Variants in LRFN4 observed in about 807,000 individuals in gnomAD.
LRFN4 encodes the protein leucine rich repeat and fibronectin type III domain containing 4.
LRFN4 carries 10 observed loss-of-function variants against 29.0 expected under a neutral mutation model. That is an observed-to-expected ratio of 0.35 (90% CI 0.21 to 0.59). The LOEUF (loss-of-function observed/expected upper bound fraction) is 0.59. Among genes scored for constraint, LRFN4 ranks in the 20% least tolerant of loss-of-function variants. The pLI is 0.82. For synonymous variants in LRFN4, 493 were observed against 437.0 expected (o/e 1.13, Z -1.60); for missense variants, 850 against 907.9 (o/e 0.94, Z 0.82).
At position 66,858,733 on chromosome 11, in the gene LRFN4, C is replaced by T. The variant is rs1946041567; in HGVS notation, c.989C>T (p.Ala330Val). Residue 330 changes from alanine (A) to valine (V), a missense_variant, in exon 1 of 2, where the codon GCT (alanine) becomes GTT (valine). Around this residue, in one of 2 missense-constraint regions of LRFN4, gnomAD observed 744 missense variants for 753.8 expected, o/e 0.99. Coordinates refer to ENST00000309602, the MANE Select transcript of LRFN4 (RefSeq NM_024036.5). This position sits in a 1 kb window ranked among gnomAD's most constrained non-coding sequence, Gnocchi z 5.9. ...GTTGGCAACTCCTCCCGAGCCCGGG[C>T]TTTCCCCAACGGGACCTTAGAGATT... ...RLVGNSSRAR[A>V]FPNGTLEIGV... The T allele has an allele frequency of 1.9e-6, 3 of 1,553,640 alleles. No homozygotes were observed. The highest frequency in any genetic ancestry group is 1.4e-5 in the African/African-American group (1 of 73,614).
chr11:66,858,569 G>C lies in LRFN4; in HGVS notation c.825G>C (p.Glu275Asp), dbSNP rs1398445937. Residue 275 changes from glutamate to aspartate, a missense_variant, in exon 1 of 2, where the codon GAG (glutamate) becomes GAC (aspartate). By Grantham distance (45) the Glu-to-Asp change is conservative. Coordinates refer to ENST00000309602, the MANE Select transcript of LRFN4 (RefSeq NM_024036.5). This position sits in a 1 kb window ranked among gnomAD's most constrained non-coding sequence, Gnocchi z 5.9. ...ACTTCTGGGCAGTGCCCGAGGGCGA[G>C]TTCTCCTGTGAGCCGCCCCTCATTG... ...GRYFWAVPEGEFSCEPPLIAR... is the reference protein window; with the variant it reads ...GRYFWAVPEGDFSCEPPLIAR... 1 of 1,533,096 alleles carries C rather than the reference G, an allele frequency of 6.5e-7. No individual in the cohort carries two copies. The highest frequency in any genetic ancestry group is 8.7e-7 in the Non-Finnish European group (1 of 1,144,110). The allele number at this position is 1,533,096 out of a possible 1,614,324, so 95.0% of individuals were successfully genotyped here.
intron 1 of LRFN4, among the ~76,000 whole-genome samples, 195 bp from the exon 2 acceptor site, chr11:66,859,442 C>A: frequency 6.6e-6 from 1 of 152,218 alleles, no homozygotes; most frequent in Non-Finnish European, 1.5e-5. Flanking sequence ...ATTCCCCTCG[C>A]TTGCCTGCGT....
rs374346244 is a variant in LRFN4, at chr11:66,858,835, T to G, written c.1091T>G (p.Val364Gly). 4.0e-4 allele frequency: 619 copies of G among 1,551,764 alleles called. No homozygotes were observed. Among genetic ancestry groups the G allele is most frequent in the Non-Finnish European group, 4.8e-4 (548 of 1,149,296 alleles). ...CCTGCTGGTGAGGCCACAGCCCGAG[T>G]AGAACTGCGGGTGCTGGCCTTGCCC... ...TNPAGEATAR[V>G]ELRVLALPHG... Residue 364 changes from valine (V) to glycine (G), a missense_variant, in exon 1 of 2, where the codon GTA becomes GGA. By Grantham distance (109) the Val-to-Gly change is moderately radical. Around this residue, in one of 2 missense-constraint regions of LRFN4, gnomAD observed 744 missense variants for 753.8 expected, o/e 0.99. Transcript: ENST00000309602. This position sits in a 1 kb window ranked among gnomAD's most constrained non-coding sequence, Gnocchi z 5.9.
rs1482113576 is a variant in LRFN4, at chr11:66,860,178, G to A, written c.1891G>A (p.Glu631Lys). The change falls in exon 2 of 2, where the codon GAA (glutamate) becomes AAA (lysine). Residue 631 changes from glutamate to lysine, a missense_variant. This residue lies in a region of LRFN4 where 744 missense variants were observed against 753.8 expected (regional missense o/e 0.99). Transcript: ENST00000309602. ...GGTAGGAGGCAGCGCCGAGCGGCTG[G>A]AAGAGAGTGTGGTGTGATGGACGGG... ...RGVGGSAERL[E>K]ESVV 3 of 1,546,082 alleles carry A rather than the reference G, an allele frequency of 1.9e-6. No homozygotes were observed. Among genetic ancestry groups the A allele is most frequent in the Middle Eastern group, 1.7e-4 (1 of 5,988 alleles).
Position 66,858,920 on chromosome 11 carries a change from C to G in LRFN4, c.1176C>G (p.Ser392=). ...CCGGGCCCTCGGACATCGCCGCCTC[C>G]GCTCGCACTGCTGCCGAGGGTGAGG... is the stretch of plus-strand genomic sequence containing the variant. ...GRPGPSDIAA[S]ARTAAEGEGT... is the part of the protein sequence containing the mutation. Residue 392 remains serine (S), a synonymous_variant, in exon 1 of 2, where the codon TCC becomes TCG. Coordinates refer to ENST00000309602, the MANE Select transcript of LRFN4 (RefSeq NM_024036.5). The surrounding 1 kb of genome is among the most constrained non-coding windows in gnomAD (Gnocchi z 5.9). 6.4e-7 allele frequency: 1 copy of G among 1,570,454 alleles called. No individual in the cohort carries two copies.
rs770436536 is a variant in LRFN4 at position 66,857,731 on chromosome 11, A to G, written c.-14A>G. 1.3e-6 allele frequency: 2 copies of G among 1,582,410 alleles called. No individual in the cohort carries two copies. The highest frequency in any genetic ancestry group is 1.7e-5 in the Admixed American group (1 of 59,320). ...TGTGCCTGGGCTGTGGCCCCTTCCT[A>G]CAGGGCGCTCACCATGGCCCCGCCG... is the stretch of plus-strand genomic sequence containing the variant. On this transcript the variant is annotated 5_prime_UTR_variant, in exon 1 of 2. Coordinates refer to ENST00000309602, the MANE Select transcript of LRFN4 (RefSeq NM_024036.5). The surrounding 1 kb of genome is among the most constrained non-coding windows in gnomAD (Gnocchi z 7.1).
In LRFN4 at chr11:66,859,676, C is replaced by T. The variant is rs762132606; in HGVS notation, c.1389C>T (p.His463=). ...PASSHHFLLK[H]LVPGADYDLC... ...CCAGCCACCACTTCCTGCTGAAGCACCTCGTCCCCGGCGCTGACTATGACC... is the reference window on the plus strand; with the variant it reads ...CCAGCCACCACTTCCTGCTGAAGCATCTCGTCCCCGGCGCTGACTATGACC... Residue 463 remains histidine, a synonymous_variant, in exon 2 of 2, where the codon CAC becomes CAT. Coordinates refer to ENST00000309602, the MANE Select transcript of LRFN4 (RefSeq NM_024036.5). 1.2e-6 allele frequency: 2 copies of T among 1,613,058 alleles called. No individual in the cohort carries two copies. The highest frequency in any genetic ancestry group is 2.2e-5 in the East Asian group (1 of 44,868).
Position 66,860,450 on chromosome 11 carries a change from A to G in LRFN4, c.*255A>G, listed in dbSNP as rs1174801352. 2.8e-6 allele frequency: 2 copies of G among 704,616 alleles called. No homozygotes were observed. The highest frequency in any genetic ancestry group is 5.2e-6 in the Non-Finnish European group (2 of 387,116). 43.6% of individuals were successfully genotyped at this position (704,616 alleles called of 1,614,324 possible). ...CCCACTGGGAGTCTTGTTTTTATTT[A>G]TAATAAAATTGTTGGGGACACCTCA... On this transcript the variant is annotated 3_prime_UTR_variant, in exon 2 of 2. Transcript: ENST00000309602.
Position 66,858,001 on chromosome 11 carries a change from G to A in LRFN4, c.257G>A (p.Arg86His). The A allele has an allele frequency of 1.9e-6, 3 of 1,612,336 alleles. No homozygotes were observed. The highest frequency in any genetic ancestry group is 2.5e-6 in the Non-Finnish European group (3 of 1,179,938). The change falls in exon 1 of 2, where the codon CGC becomes CAC. Residue 86 changes from arginine to histidine, a missense_variant. By Grantham distance (29) the Arg-to-His change is conservative. This residue lies in a region of LRFN4 where 106 missense variants were observed against 154.2 expected (regional missense o/e 0.69). Transcript: ENST00000309602. The surrounding 1 kb of genome is among the most constrained non-coding windows in gnomAD (Gnocchi z 5.9). Reference protein sequence around the residue: ...DLTLSRNAITRIGARAFGDLE... With the variant: ...DLTLSRNAITHIGARAFGDLE... ...ACACTGTCTCGCAATGCCATCACCC[G>A]CATTGGGGCCCGCGCCTTTGGGGAC...
Position 66,859,117 on chromosome 11 carries a change from G to A in LRFN4, c.1349+24G>A, listed in dbSNP as rs748116306. ...CGGTGAGGATGCGTGCCCCACACCCGGCTGCACTCCCGGCGCCCTTCCTCC... is the reference window on the plus strand; with the variant it reads ...CGGTGAGGATGCGTGCCCCACACCCAGCTGCACTCCCGGCGCCCTTCCTCC... On this transcript the variant is annotated intron_variant, in intron 1 of 1. Coordinates refer to ENST00000309602, the MANE Select transcript of LRFN4 (RefSeq NM_024036.5). 2.1e-5 allele frequency: 31 copies of A among 1,475,976 alleles called. No homozygotes were observed. The Admixed American group carries it at 2.2e-4, about 11-fold the overall frequency. 91.4% of individuals were successfully genotyped at this position (1,475,976 alleles called of 1,614,324 possible).
Position 66,857,627 on chromosome 11 carries a change from C to T in LRFN4, c.-118C>T. 1.7e-6 allele frequency: 2 copies of T among 1,191,926 alleles called. No individual in the cohort carries two copies. The highest frequency in any genetic ancestry group is 3.2e-5 in the South Asian group (2 of 62,968). The allele number at this position is 1,191,926 out of a possible 1,614,324, so 73.8% of individuals were successfully genotyped here. ...CGGCCCTCTTGGGCCTCTGACCCAG[C>T]CCCTCCCCGGGCCAGGCTCACAGAA... On this transcript the variant is annotated 5_prime_UTR_variant, in exon 1 of 2. Coordinates refer to ENST00000309602, the MANE Select transcript of LRFN4 (RefSeq NM_024036.5). The surrounding 1 kb of genome is among the most constrained non-coding windows in gnomAD (Gnocchi z 7.1).
At position 66,860,130 on chromosome 11, in the gene LRFN4, C is replaced by G. The variant is rs1201762531; in HGVS notation, c.1843C>G (p.Leu615Val). 5 of 1,549,924 alleles carry G rather than the reference C, an allele frequency of 3.2e-6. No individual in the cohort carries two copies. In the Admixed American group the frequency reaches 9.8e-5, roughly 30 times the overall value. The change falls in exon 2 of 2, where the codon CTG becomes GTG. Residue 615 changes from leucine to valine, a missense_variant. Physicochemically the swap from Leu to Val is conservative, Grantham distance 32. Coordinates refer to ENST00000309602, the MANE Select transcript of LRFN4 (RefSeq NM_024036.5). ...ACGGAGCCACTCTGTGCATGGGGGG[C>G]TGCTCGGGGCAGGGTGCCGGGGGGT... ...ARRSHSVHGG[L>V]LGAGCRGVGG...
In LRFN4 at chr11:66,860,018, G is replaced by A. The variant is rs766657055; in HGVS notation, c.1731G>A (p.Pro577=). 1.1e-5 allele frequency: 18 copies of A among 1,587,898 alleles called. No individual in the cohort carries two copies. In the African/African-American group the frequency reaches 1.8e-4, roughly 15 times the overall value. ...AGGCCCACCCGCCGCGGAGCCCCCC[G>A]CCCCGGCCGCAGCGCAGCTGCTCTC... is the stretch of plus-strand genomic sequence containing the variant. ...TPKAHPPRSP[P]PRPQRSCSLD... Residue 577 remains proline, a synonymous_variant, in exon 2 of 2, where the codon CCG becomes CCA. Coordinates refer to ENST00000309602, the MANE Select transcript of LRFN4 (RefSeq NM_024036.5).
chr11:66,858,699 G>GACCA lies in LRFN4; in HGVS notation c.958_959insAACC (p.Arg320GlnfsTer41). On this transcript the variant is annotated frameshift_variant, in exon 1 of 2. Transcript: ENST00000309602. LOFTEE classifies it high-confidence loss of function. This position sits in a 1 kb window ranked among gnomAD's most constrained non-coding sequence, Gnocchi z 5.9. ...TACCATGCACTGGGTCGGTCCTGAC[G>GACCA]ACCGGTTGGTTGGCAACTCCTCCCG... is the stretch of plus-strand genomic sequence containing the variant. 6.4e-7 allele frequency: 1 copy of GACCA among 1,550,472 alleles called. No individual in the cohort carries two copies. The highest frequency in any genetic ancestry group is 8.7e-7 in the Non-Finnish European group (1 of 1,145,852).
At position 66,857,832 on chromosome 11, in the gene LRFN4, C is replaced by T. The variant is rs1348530517; in HGVS notation, c.88C>T (p.Leu30Phe). The T allele has an allele frequency of 5.6e-6, 9 of 1,605,504 alleles. No individual in the cohort carries two copies. The highest frequency in any genetic ancestry group is 1.3e-5 in the African/African-American group (1 of 74,880). ...CGTCTGCCAGAACCTGTCCGAGTCG[C>T]TCAGCACCCTCTGTGCCCACCGAGG... ...PCVCQNLSES[L>F]STLCAHRGLL... The change falls in exon 1 of 2, where the codon CTC becomes TTC. Residue 30 changes from leucine (L) to phenylalanine (F), a missense_variant. Physicochemically the swap from Leu to Phe is conservative, Grantham distance 22. Coordinates refer to ENST00000309602, the MANE Select transcript of LRFN4 (RefSeq NM_024036.5). The surrounding 1 kb of genome is among the most constrained non-coding windows in gnomAD (Gnocchi z 7.1).
chr11:66,859,047 T>C lies in LRFN4; in HGVS notation c.1303T>C (p.Phe435Leu), dbSNP rs1490035009. 6.7e-7 allele frequency: 1 copy of C among 1,503,534 alleles called. No individual in the cohort carries two copies. Among genetic ancestry groups the C allele is most frequent in the South Asian group, 1.4e-5 (1 of 73,944 alleles). The allele number at this position is 1,503,534 out of a possible 1,614,324, so 93.1% of individuals were successfully genotyped here. Reference sequence around the variant, plus strand: ...GCGGCCAGCCGACCCAGTGTGGATGTTCCAAATCCAGTACAACAGCAGCGA... The same window carrying C: ...GCGGCCAGCCGACCCAGTGTGGATGCTCCAAATCCAGTACAACAGCAGCGA... ...PGRPADPVWM[F>L]QIQYNSSEDE... Residue 435 changes from phenylalanine (F) to leucine (L), a missense_variant, in exon 1 of 2, where the codon TTC (phenylalanine) becomes CTC (leucine). Phe to Leu is a conservative substitution (Grantham distance 22). Transcript: ENST00000309602.
Position 66,857,901 on chromosome 11 carries a change from C to T in LRFN4, c.157C>T (p.Leu53=), listed in dbSNP as rs763870584. Residue 53 remains leucine, a synonymous_variant, in exon 1 of 2, where the codon CTG becomes TTG. Transcript: ENST00000309602. This position sits in a 1 kb window ranked among gnomAD's most constrained non-coding sequence, Gnocchi z 7.1. The stretch of plus-strand genomic sequence containing the variant: ...CAACGTGGACCGGCGCACAGTGGAG[C>T]TGCGGCTGGCTGACAACTTCATCCA... ...PPNVDRRTVE[L]RLADNFIQAL... is the part of the protein sequence containing the mutation. 6.2e-6 allele frequency: 10 copies of T among 1,611,716 alleles called. No homozygotes were observed. The Admixed American group carries it at 1.5e-4, about 24-fold the overall frequency.
At position 66,857,590 on chromosome 11, in the gene LRFN4, C is replaced by T; in HGVS notation, c.-155C>T. The T allele has an allele frequency of 1.3e-6, 1 of 767,886 alleles. No individual in the cohort carries two copies. Among genetic ancestry groups the T allele is most frequent in the Non-Finnish European group, 2.0e-6 (1 of 491,986 alleles). The allele number at this position is 767,886 out of a possible 1,614,324, so 47.6% of individuals were successfully genotyped here. A position where few individuals can be genotyped will look rare whatever the true frequency, so the allele number is the denominator to read the frequency against. ...CCTGGCCCTGCAGGCCCCAACCTTC[C>T]CTCATCTCTGGCGGCCCTCTTGGGC... On this transcript the variant is annotated 5_prime_UTR_variant, in exon 1 of 2. Transcript: ENST00000309602. The surrounding 1 kb of genome is among the most constrained non-coding windows in gnomAD (Gnocchi z 7.1).
At position 66,858,682 on chromosome 11, in the gene LRFN4, A is replaced by G. The variant is rs1416396166; in HGVS notation, c.938A>G (p.His313Arg). 3 of 1,546,924 alleles carry G rather than the reference A, an allele frequency of 1.9e-6. No individual in the cohort carries two copies. The highest frequency in any genetic ancestry group is 2.6e-6 in the Non-Finnish European group (3 of 1,144,490). The change falls in exon 1 of 2, where the codon CAC becomes CGC. Residue 313 changes from histidine to arginine, a missense_variant. By Grantham distance (29) the His-to-Arg change is conservative. Coordinates refer to ENST00000309602, the MANE Select transcript of LRFN4 (RefSeq NM_024036.5). The surrounding 1 kb of genome is among the most constrained non-coding windows in gnomAD (Gnocchi z 5.9). ...CTGGGTGACCCCGCGCCTACCATGC[A>G]CTGGGTCGGTCCTGACGACCGGTTG... is the stretch of plus-strand genomic sequence containing the variant. ...RALGDPAPTM[H>R]WVGPDDRLVG...
Sources: gnomAD v4.1 joint callset for allele counts (sites outside exome capture counted in the v4.1 genomes callset) on GRCh38, gnomAD v4.1.1 for gene constraint, gnomAD v4.1.1 regional missense constraint, Gnocchi (gnomAD v3.1) non-coding constraint, MANE v1.5 for transcripts, NCBI Gene and HGNC (gene_info 2026-07-23, HGNC 2026-07-21) for gene names.